LCOR: variants seen among roughly 807,000 people sequenced by gnomAD.
LCOR encodes ligand-dependent corepressor.
In LCOR, 14 loss-of-function variants were observed where a neutral mutation model predicts 64.4. The observed-to-expected ratio is 0.22, with a 90% CI of 0.14 to 0.34. LCOR has a LOEUF of 0.34. LCOR is among the 10% of genes least tolerant of loss of function. LCOR has a pLI of 1.00. For missense variants in LCOR, 1,686 were observed against 1,765.3 expected (o/e 0.96, Z 0.80); for synonymous variants, 643 against 642.5 (o/e 1.00, Z -0.01).
chr10:96,948,798 A>G (rs1847628354), intron 5 of LCOR, among the ~76,000 whole-genome samples: 1 of 152,146 alleles, frequency 6.6e-6, no homozygotes, highest in Non-Finnish European at 1.5e-5. Context: ...CAATTATTAT[A>G]TGGGGGAAGA....
intron 7 of LCOR, among the ~76,000 whole-genome samples, chr10:96,978,419 A>G (rs1589691429): frequency 1.3e-5 from 2 of 152,354 alleles, no homozygotes; most frequent in Middle Eastern, 3.4e-3. Context: ...GGTTTTTTCT[A>G]GCTGCTTTCG....
At chr10:96,853,617 A>G (rs1845755350) in intron 2 of LCOR, among the ~76,000 whole-genome samples, 1 of 152,054 alleles carries the variant, frequency 6.6e-6, no homozygotes, top group African/African-American at 2.4e-5. Flanking sequence ...GTCTGGGGTG[A>G]TTTGGCTGAT....
At chr10:96,920,559 T>C (rs1285737191) in intron 4 of LCOR, among the ~76,000 whole-genome samples, 3 of 147,572 alleles carry the variant, frequency 2.0e-5, no homozygotes, top group African/African-American at 7.4e-5. Context: ...TATATATGTG[T>C]ATATATGTAT....
At chr10:96,873,851 G>C (rs1452903813) in intron 2 of LCOR, among the ~76,000 whole-genome samples, 3 of 152,050 alleles carry the variant, frequency 2.0e-5, no homozygotes, top group Non-Finnish European at 2.9e-5. Flanking sequence ...ATTCTGTGGT[G>C]AACAATGATT....
chr10:96,913,246 A>G (rs1846876466), intron 4 of LCOR, among the ~76,000 whole-genome samples: 1 of 152,146 alleles, frequency 6.6e-6, no homozygotes, highest in Non-Finnish European at 1.5e-5. Context: ...TGAAACATGT[A>G]TGTTTACTAA....
chr10:96,876,185 G>A (rs939192228), intron 2 of LCOR, among the ~76,000 whole-genome samples: 6 of 152,160 alleles, frequency 3.9e-5, no homozygotes, highest in Non-Finnish European at 8.8e-5. Flanking sequence ...CAAGGTTGAG[G>A]AGCCATATCT....
intron 7 of LCOR, among the ~76,000 whole-genome samples, chr10:96,954,446 T>C (rs1847732039): frequency 6.6e-6 from 1 of 151,892 alleles, no homozygotes. Context: ...GAGCAATTAT[T>C]TATGGGTTCC....
In LCOR at chr10:96,874,850, A is replaced by T. The variant is rs1019438260; in HGVS notation, c.-329-32415A>T. Among the ~76,000 whole-genome samples the T allele has an allele frequency of 2.0e-5, 3 of 151,776 alleles. 1 individual carries two copies. The highest frequency in any genetic ancestry group is 7.3e-5 in the African/African-American group (3 of 41,336). ...ATGGGGTTTCACTGTGTTGGCCAGG[A>T]TGCTCTCAATCTCCTGACCTTGTGA... On this transcript the variant is annotated intron_variant, in intron 2 of 7. Transcript: ENST00000421806.
In LCOR at chr10:96,981,512, C is replaced by G. The variant is rs1283538407; in HGVS notation, c.1052C>G (p.Ala351Gly). Residue 351 changes from alanine to glycine, a missense_variant, in exon 8 of 8, where the codon GCT becomes GGT. Around this residue, in one of 3 missense-constraint regions of LCOR, gnomAD observed 313 missense variants for 247.2 expected, o/e 1.27. Transcript: ENST00000421806. ...TTGTTCAAAGCTTTATCAGAAGAGG[C>G]TTGGAACTCAGGGTTTATGGGGAAC... ...RNLFKALSEE[A>G]WNSGFMGNSS... The G allele has an allele frequency of 1.2e-6, 2 of 1,614,072 alleles. No homozygotes were observed. The highest frequency in any genetic ancestry group is 1.7e-6 in the Non-Finnish European group (2 of 1,180,044).
chr10:96,928,446 A>T (rs1347702489), intron 4 of LCOR, among the ~76,000 whole-genome samples: 2 of 152,160 alleles, frequency 1.3e-5, no homozygotes, highest in Non-Finnish European at 2.9e-5. Flanking sequence ...CATAACAAGC[A>T]ACTCTTCACC....
chr10:96,887,046 C>T lies in LCOR; in HGVS notation c.-329-20219C>T, dbSNP rs572811341. Reference sequence around the variant, plus strand: ...CTGGTGGTTCCTGAGACTTAGGGATCAGAAAGGTCAGAATTCTTTTCATGA... The same window carrying T: ...CTGGTGGTTCCTGAGACTTAGGGATTAGAAAGGTCAGAATTCTTTTCATGA... On this transcript the variant is annotated intron_variant, in intron 2 of 7. Coordinates refer to ENST00000421806, the MANE Select transcript of LCOR (RefSeq NM_001346516.2). Among the ~76,000 whole-genome samples, 86 of 152,226 alleles carry T rather than the reference C, an allele frequency of 5.6e-4. 2 individuals are homozygous for T. The South Asian group carries it at 0.017, about 30-fold the overall frequency.
intron 5 of LCOR, among the ~76,000 whole-genome samples, chr10:96,944,785 G>A (rs1424955465): frequency 6.6e-6 from 1 of 151,980 alleles, no homozygotes; most frequent in Admixed American, 6.6e-5. Flanking sequence ...GCATTTAATA[G>A]CTCAACCTCT....
chr10:96,887,742 G>A (rs1190095496), intron 2 of LCOR, among the ~76,000 whole-genome samples: 6 of 149,582 alleles, frequency 4.0e-5, no homozygotes, highest in African/African-American at 1.5e-4. Flanking sequence ...GTGCAATGGC[G>A]CCATCTCAGC....
Position 96,985,194 on chromosome 10 carries a change from T to C in LCOR, c.*60T>C. 6.7e-7 allele frequency: 1 copy of C among 1,495,102 alleles called. No homozygotes were observed. Among genetic ancestry groups the C allele is most frequent in the Non-Finnish European group, 8.9e-7 (1 of 1,124,446 alleles). The allele number at this position is 1,495,102 out of a possible 1,614,324, so 92.6% of individuals were successfully genotyped here. A position where few individuals can be genotyped will look rare whatever the true frequency, so the allele number is the denominator to read the frequency against. ...ATAGAAGTAACCTTTTATTTTGCAT[T>C]AACTAAATCTGCTTTTATAAGCTTA... On this transcript the variant is annotated 3_prime_UTR_variant, in exon 8 of 8. Coordinates refer to ENST00000421806, the MANE Select transcript of LCOR (RefSeq NM_001346516.2).
intron 7 of LCOR, among the ~76,000 whole-genome samples, chr10:96,979,378 C>G (rs973044206): frequency 2.6e-5 from 4 of 152,126 alleles, no homozygotes; most frequent in Non-Finnish European, 4.4e-5. Flanking sequence ...TCAGTACAAC[C>G]CAGACATCCA....
Position 96,994,781 on chromosome 10 carries a change from G to A in LCOR, c.*9647G>A, listed in dbSNP as rs1254248730. Reference sequence around the variant, plus strand: ...CCTTGTATGAAAAATCCCCATATTAGCCTCACTTAATCTCAATAGAAGCCT... The same window carrying A: ...CCTTGTATGAAAAATCCCCATATTAACCTCACTTAATCTCAATAGAAGCCT... On this transcript the variant is annotated 3_prime_UTR_variant, in exon 8 of 8. Transcript: ENST00000421806. The A allele has an allele frequency of 6.6e-6, 1 of 152,186 alleles. No individual in the cohort carries two copies. Among genetic ancestry groups the A allele is most frequent in the Non-Finnish European group, 1.5e-5 (1 of 68,042 alleles). 9.4% of individuals were successfully genotyped at this position (152,186 alleles called of 1,614,324 possible).
chr10:96,857,651 A>G (rs1381306355), intron 2 of LCOR, among the ~76,000 whole-genome samples: 1 of 152,206 alleles, frequency 6.6e-6, no homozygotes, highest in Non-Finnish European at 1.5e-5. Flanking sequence ...AGAAAATTTT[A>G]GAAAAATACT....
intron 7 of LCOR, among the ~76,000 whole-genome samples, chr10:96,969,730 A>G: frequency 6.6e-6 from 1 of 150,494 alleles, no homozygotes; most frequent in East Asian, 2.0e-4. Flanking sequence ...CAGCTAACAT[A>G]GTTTAGAGGT....
chr10:96,963,671 G>GT, intron 7 of LCOR: 1 of 152,146 alleles, frequency 6.6e-6, no homozygotes, highest in Non-Finnish European at 1.5e-5. Flanking sequence ...TCAGTGACAA[G>GT]TTTTTTCTGA....
Sources: gnomAD v4.1 joint callset for allele counts (sites outside exome capture counted in the v4.1 genomes callset) on GRCh38, gnomAD v4.1.1 for gene constraint, gnomAD v4.1.1 regional missense constraint, MANE v1.5 for transcripts, NCBI Gene and HGNC (gene_info 2026-07-23, HGNC 2026-07-21) for gene names.